Variants in RGL1 observed in about 807,000 individuals in gnomAD.
The protein encoded by RGL1 is ral guanine nucleotide dissociation stimulator-like 1.
In RGL1, 24 loss-of-function variants were observed where a neutral mutation model predicts 95.2. That is an observed-to-expected ratio of 0.25 (90% CI 0.18 to 0.35). The LOEUF (loss-of-function observed/expected upper bound fraction) is 0.35. Among genes scored for constraint, RGL1 ranks in the 10% least tolerant of loss-of-function variants. The probability of loss-of-function intolerance (pLI) is 1.00; values close to 1 mark genes in which losing one functional copy is unlikely to be tolerated. For synonymous variants in RGL1, 329 were observed against 344.9 expected, an observed-to-expected ratio of 0.95 and a Z score of 0.51; for missense variants, 715 against 936.3, an observed-to-expected ratio of 0.76 and a Z score of 3.08.
chr1:183,793,866 A>G (rs1225458534), intron 2 of RGL1, among the ~76,000 whole-genome samples: 1 of 152,148 alleles, frequency 6.6e-6, no homozygotes, highest in African/African-American at 2.4e-5. Context: ...TAAAGAAAGA[A>G]TTACCATGCG....
intron 2 of RGL1, among the ~76,000 whole-genome samples, chr1:183,797,198 G>GGGC (rs2102393502): frequency 6.6e-6 from 1 of 152,214 alleles, no homozygotes; most frequent in African/African-American, 2.4e-5. Context: ...GCGTGGTGGT[G>GGGC]GGCACATGTG....
chr1:183,865,512 G>A (rs768283384), intron 3 of RGL1, among the ~76,000 whole-genome samples: 9 of 152,126 alleles, frequency 5.9e-5, no homozygotes, highest in Non-Finnish European at 1.3e-4. Flanking sequence ...TATTTTCAAG[G>A]AGACCAGACT....
At chr1:183,717,903 T>C (rs12045314) in intron 1 of RGL1, among the ~76,000 whole-genome samples, 4,075 of 152,160 alleles carry the variant, frequency 0.027, 70 homozygotes, top group East Asian at 0.08. Flanking sequence ...TCCTCTCAGG[T>C]TGGGGCATGG....
At chr1:183,758,198 A>AT (rs56900976) in intron 2 of RGL1, among the ~76,000 whole-genome samples, 78,243 of 144,016 alleles carry the variant, frequency 0.54, 21,889 homozygotes, top group African/African-American at 0.68. Context: ...AAACGATAGA[A>AT]TTTTTTTTTT....
chr1:183,872,792 C>T (rs189601926), intron 4 of RGL1, among the ~76,000 whole-genome samples: 58 of 152,046 alleles, frequency 3.8e-4, no homozygotes, highest in African/African-American at 1.2e-3. Context: ...ATTCAGATGC[C>T]CTAAGAAGGC....
intron 3 of RGL1, among the ~76,000 whole-genome samples, chr1:183,853,982 A>C (rs1236906625): frequency 6.6e-6 from 1 of 152,192 alleles, no homozygotes; most frequent in African/African-American, 2.4e-5. Flanking sequence ...CTACTCAAGC[A>C]ATATTTATCA....
chr1:183,890,917 T>C (rs1667381443), intron 8 of RGL1, among the ~76,000 whole-genome samples: 1 of 152,182 alleles, frequency 6.6e-6, no homozygotes. Context: ...ACTCTGTGAA[T>C]ATACTAAAAA....
Position 183,866,037 on chromosome 1 carries a change from G to C in RGL1, c.389G>C (p.Ser130Thr). Residue 130 changes from serine to threonine, a missense_variant, in exon 4 of 18, where the codon AGC becomes ACC. Coordinates refer to ENST00000360851, the MANE Select transcript of RGL1 (RefSeq NM_001297671.3). ...AGCCCAAACTGTGAAGAAGATGGAA[G>C]CCAAAGTTCATCAGAGTCCAAAATG... ...LTSPNCEEDG[S>T]QSSSESKMVI... 8 of 1,613,982 alleles carry C rather than the reference G, an allele frequency of 5.0e-6. No individual in the cohort carries two copies. The highest frequency in any genetic ancestry group is 6.8e-6 in the Non-Finnish European group (8 of 1,179,924).
chr1:183,775,393 T>C (rs1042017010), intron 2 of RGL1, among the ~76,000 whole-genome samples: 10 of 152,380 alleles, frequency 6.6e-5, no homozygotes, highest in African/African-American at 2.4e-4. Context: ...TTTAATTTTC[T>C]GCACACTTAT....
intron 10 of RGL1, among the ~76,000 whole-genome samples, chr1:183,899,694 GA>G (rs1667905245): frequency 6.6e-6 from 1 of 152,152 alleles, no homozygotes; most frequent in Admixed American, 6.5e-5. Flanking sequence ...TATTATTTGA[GA>G]GTTAGTCACC....
At chr1:183,897,940 A>G (rs772828114) in intron 10 of RGL1, 43 bp downstream of exon 10, 5 of 1,558,742 alleles carry the variant, frequency 3.2e-6, no homozygotes, top group Non-Finnish European at 4.4e-6. Context: ...ACAGAGGAGA[A>G]GGGCCGTGTG....
intron 1 of RGL1, among the ~76,000 whole-genome samples, chr1:183,729,284 A>C (rs1020492154): frequency 6.6e-6 from 1 of 152,144 alleles, no homozygotes; most frequent in African/African-American, 2.4e-5. Flanking sequence ...AACCAATTAT[A>C]AAGTCAATAA....
At chr1:183,788,590 A>G (rs553132061) in intron 2 of RGL1, among the ~76,000 whole-genome samples, 1 of 152,350 alleles carries the variant, frequency 6.6e-6, no homozygotes, top group South Asian at 2.1e-4. Flanking sequence ...AGTATGTATC[A>G]TTTAGTACTT....
At chr1:183,849,649 C>A (rs1664703813) in intron 3 of RGL1, among the ~76,000 whole-genome samples, 1 of 151,858 alleles carries the variant, frequency 6.6e-6, no homozygotes, top group South Asian at 2.1e-4. Context: ...TGCCACCACA[C>A]CCAGCTAATT....
At chr1:183,835,194 C>T (rs1311525526) in intron 2 of RGL1, among the ~76,000 whole-genome samples, 1 of 151,864 alleles carries the variant, frequency 6.6e-6, no homozygotes, top group Non-Finnish European at 1.5e-5. Context: ...GTTTTTTTGC[C>T]AGCTACCAGG....
chr1:183,681,722 A>G (rs1003204455), intron 1 of RGL1, among the ~76,000 whole-genome samples: 2 of 152,002 alleles, frequency 1.3e-5, no homozygotes, highest in African/African-American at 2.4e-5. Flanking sequence ...CTCTCTTTCT[A>G]TTGTTTGGAA....
At chr1:183,765,240 T>C (rs1658904498) in intron 2 of RGL1, among the ~76,000 whole-genome samples, 1 of 152,204 alleles carries the variant, frequency 6.6e-6, no homozygotes, top group East Asian at 1.9e-4. Flanking sequence ...TCCCAAAACA[T>C]GCCATTTTAG....
intron 4 of RGL1, among the ~76,000 whole-genome samples, chr1:183,872,499 A>C (rs115548480): frequency 0.012 from 1,769 of 152,288 alleles, 33 homozygotes; most frequent in African/African-American, 0.041. Flanking sequence ...CCATAGTACT[A>C]CTTCAAATTG....
At chr1:183,881,276 A>T (rs894734849) in intron 5 of RGL1, among the ~76,000 whole-genome samples, 4 of 152,178 alleles carry the variant, frequency 2.6e-5, no homozygotes, top group African/African-American at 9.7e-5. Flanking sequence ...CTGCCCTCCC[A>T]AAAGCTTGGA....
Sources: allele counts gnomAD v4.1 joint callset (sites outside exome capture counted in the v4.1 genomes callset), GRCh38; gene constraint gnomAD v4.1.1; transcripts MANE v1.5; gene names NCBI Gene and HGNC (gene_info 2026-07-23, HGNC 2026-07-21).